The following GRIK4 variants were observed in gnomAD, a reference collection of about 807,000 sequenced individuals.
GRIK4 encodes the protein glutamate receptor ionotropic, kainate 4.
A neutral mutation model predicts 104.9 loss-of-function variants in GRIK4; 40 were observed. That is an observed-to-expected ratio of 0.38 (90% CI 0.30 to 0.50). The LOEUF (loss-of-function observed/expected upper bound fraction) is 0.50. Ranked by LOEUF, GRIK4 falls within the 20% of genes least tolerant of loss-of-function variation. The pLI is 0.93. For synonymous variants in GRIK4, 485 were observed against 524.9 expected, an observed-to-expected ratio of 0.92 and a Z score of 1.04; for missense variants, 1,047 against 1,308.1, an observed-to-expected ratio of 0.80 and a Z score of 3.08.
At chr11:120,670,017 C>T (rs779729924) in intron 3 of GRIK4, among the ~76,000 whole-genome samples, 1 of 152,232 alleles carries the variant, frequency 6.6e-6, no homozygotes, top group Non-Finnish European at 1.5e-5. Flanking sequence ...CTACTCATTT[C>T]ATAAATGGTA....
At chr11:120,973,939 A>G (rs1397264964) in intron 19 of GRIK4, among the ~76,000 whole-genome samples, 4 of 150,870 alleles carry the variant, frequency 2.7e-5, no homozygotes, top group African/African-American at 7.3e-5. Flanking sequence ...ACAGATTCTC[A>G]TCCTGTTGCC....
In GRIK4 at chr11:120,821,824, A is replaced by G. The variant is rs555412816; in HGVS notation, c.511+1904A>G. ...TGGGTGCTGGGCACCCTTACACTCT[A>G]TGTACGGCATAAGAGAGCAACACGC... On this transcript the variant is annotated intron_variant, in intron 6 of 20. Coordinates refer to ENST00000527524, the MANE Select transcript of GRIK4 (RefSeq NM_014619.5). 1.7e-4 allele frequency among the ~76,000 whole-genome samples: 26 copies of G among 152,288 alleles called. No homozygotes were observed. The South Asian group carries it at 5.4e-3, about 32-fold the overall frequency.
chr11:120,924,052 G>A (rs1207067678), intron 13 of GRIK4, among the ~76,000 whole-genome samples: 1 of 152,204 alleles, frequency 6.6e-6, no homozygotes, highest in Non-Finnish European at 1.5e-5. Flanking sequence ...TTCCCCCTGG[G>A]CTTTGCCTGG....
chr11:120,816,682 G>A (rs1189194617), intron 5 of GRIK4, among the ~76,000 whole-genome samples: 3 of 152,096 alleles, frequency 2.0e-5, no homozygotes, highest in Non-Finnish European at 4.4e-5. Flanking sequence ...AGTCCCTGAC[G>A]CTTTGGGCAG....
In GRIK4 at chr11:120,898,622, G is replaced by C; in HGVS notation, c.1255G>C (p.Val419Leu). The stretch of plus-strand genomic sequence containing the variant: ...GGACACTCTCTTCAACACCACCCTG[G>C]TCGTCACCACCATCCTGGTAAGTGG... ...ISDTLFNTTL[V>L]VTTILENPYL... is the part of the protein sequence containing the mutation. Residue 419 changes from valine to leucine, a missense_variant, in exon 12 of 21, where the codon GTC becomes CTC. This residue lies in a region of GRIK4 where 440 missense variants were observed against 652.3 expected (regional missense o/e 0.67). Coordinates refer to ENST00000527524, the MANE Select transcript of GRIK4 (RefSeq NM_014619.5). 2 of 1,605,496 alleles carry C rather than the reference G, an allele frequency of 1.2e-6. No homozygotes were observed. The highest frequency in any genetic ancestry group is 1.7e-6 in the Non-Finnish European group (2 of 1,172,234).
intron 1 of GRIK4, among the ~76,000 whole-genome samples, chr11:120,588,264 G>A (rs760053796): frequency 6.6e-6 from 1 of 152,118 alleles, no homozygotes; most frequent in Admixed American, 6.5e-5. Flanking sequence ...ATCTATTTGC[G>A]GGAGGCTTCT....
chr11:120,812,068 GAGACTCCCTT>G (rs1361543288), intron 4 of GRIK4, among the ~76,000 whole-genome samples: 6 of 152,344 alleles, frequency 3.9e-5, no homozygotes, highest in Admixed American at 2.0e-4. Context: ...TGGAGACAGA[GAGACTCCCTT>G]AGAAGGGCAG....
chr11:120,657,554 G>A (rs1195308105), intron 2 of GRIK4, among the ~76,000 whole-genome samples: 1 of 152,208 alleles, frequency 6.6e-6, no homozygotes, highest in Non-Finnish European at 1.5e-5. Context: ...CAGGAACCTG[G>A]ACACAGTCCT....
rs1942835557 is a variant in GRIK4, at chr11:120,905,068, C to T, written c.1273-222C>T. ...AGCCTGACCCTCCATGCAGTGGGAA[C>T]CACTGTGTGTTCCTGACAACAGAAG... On this transcript the variant is annotated intron_variant, in intron 12 of 20. Transcript: ENST00000527524. This position sits in a 1 kb window ranked among gnomAD's most constrained non-coding sequence, Gnocchi z 5.1. Among the ~76,000 whole-genome samples, 1 of 152,194 alleles carries T rather than the reference C, an allele frequency of 6.6e-6. No individual in the cohort carries two copies. Among genetic ancestry groups the T allele is most frequent in the African/African-American group, 2.4e-5 (1 of 41,448 alleles).
At chr11:120,565,421 G>T (rs1301305281) in intron 1 of GRIK4, among the ~76,000 whole-genome samples, 2 of 152,234 alleles carry the variant, frequency 1.3e-5, no homozygotes, top group African/African-American at 4.8e-5. Flanking sequence ...CAGGGAAAAC[G>T]ATAAAAGATG....
intron 1 of GRIK4, among the ~76,000 whole-genome samples, chr11:120,541,132 A>T (rs966596819): frequency 2.6e-5 from 4 of 152,214 alleles, no homozygotes; most frequent in Non-Finnish European, 5.9e-5. Flanking sequence ...TAGTTCACAC[A>T]TCTGGGCCCT....
At chr11:120,795,866 C>G (rs1260862825) in intron 3 of GRIK4, among the ~76,000 whole-genome samples, 1 of 152,022 alleles carries the variant, frequency 6.6e-6, no homozygotes, top group Non-Finnish European at 1.5e-5. Context: ...GTGTAAAATG[C>G]GTAGTATTTG....
chr11:120,754,221 C>A (rs375625663), intron 3 of GRIK4, among the ~76,000 whole-genome samples: 10 of 152,014 alleles, frequency 6.6e-5, no homozygotes, highest in African/African-American at 1.9e-4. Flanking sequence ...AGTAGATTGG[C>A]CAGGCTGGTC....
chr11:120,657,518 T>C (rs532216798), intron 2 of GRIK4, among the ~76,000 whole-genome samples: 1 of 152,356 alleles, frequency 6.6e-6, no homozygotes, highest in East Asian at 1.9e-4. Context: ...GCACCTATTA[T>C]GTATAAATAG....
intron 13 of GRIK4, among the ~76,000 whole-genome samples, chr11:120,920,848 AG>A (rs1269041144): frequency 6.6e-6 from 1 of 152,212 alleles, no homozygotes; most frequent in African/African-American, 2.4e-5. Flanking sequence ...GCCTGGCACC[AG>A]CCACAATTTC....
At chr11:120,629,178 A>G (rs1170428518) in intron 1 of GRIK4, among the ~76,000 whole-genome samples, 1 of 152,162 alleles carries the variant, frequency 6.6e-6, no homozygotes, top group Non-Finnish European at 1.5e-5. Flanking sequence ...GGGAAGGTGG[A>G]GGGAAGCATA....
chr11:120,687,198 A>AGGC (rs1446790442), intron 3 of GRIK4, among the ~76,000 whole-genome samples: 8 of 152,238 alleles, frequency 5.3e-5, no homozygotes, highest in African/African-American at 1.9e-4. Context: ...ATGGAAACCA[A>AGGC]GGCTCAGGAG....
chr11:120,570,105 G>A (rs1043373887), intron 1 of GRIK4, among the ~76,000 whole-genome samples: 4 of 152,204 alleles, frequency 2.6e-5, no homozygotes, highest in Admixed American at 6.5e-5. Context: ...GTGAGAGACC[G>A]CCAGGGCGAG....
At chr11:120,911,762 A>T (rs952737165) in intron 13 of GRIK4, among the ~76,000 whole-genome samples, 9 of 150,420 alleles carry the variant, frequency 6.0e-5, no homozygotes, top group South Asian at 2.1e-4. Flanking sequence ...GAATCACTTG[A>T]ACCTGGGAGG....
Sources: allele counts gnomAD v4.1 joint callset (sites outside exome capture counted in the v4.1 genomes callset), GRCh38; gene constraint gnomAD v4.1.1; regional missense constraint gnomAD v4.1.1; non-coding constraint Gnocchi (gnomAD v3.1); transcripts MANE v1.5; gene names NCBI Gene and HGNC (gene_info 2026-07-23, HGNC 2026-07-21).